The following SERGEF variants were observed in gnomAD, a reference collection of about 807,000 sequenced individuals.
SERGEF encodes the protein secretion regulating guanine nucleotide exchange factor, also known as secretion-regulating guanine nucleotide exchange factor.
Under a neutral mutation model 50.0 loss-of-function variants are expected in SERGEF, and 51 were observed. That is an observed-to-expected ratio of 1.02 (90% confidence interval 0.81 to 1.29). The LOEUF (loss-of-function observed/expected upper bound fraction) is 1.29. Among genes scored for constraint, SERGEF ranks in the 50% most tolerant of loss-of-function variants. SERGEF has a pLI of 0.00. For missense variants in SERGEF, 521 were observed against 557.0 expected, an observed-to-expected ratio of 0.94 and a Z score of 0.65; for synonymous variants, 205 against 212.4, an observed-to-expected ratio of 0.97 and a Z score of 0.30.
intron 10 of SERGEF, among the ~76,000 whole-genome samples, chr11:17,851,136 C>T (rs936878044): frequency 2.0e-5 from 3 of 152,140 alleles, no homozygotes; most frequent in African/African-American, 7.2e-5. Flanking sequence ...ATATCTGTAC[C>T]GTGTGCTGGC....
chr11:17,918,497 A>G (rs1462972551), intron 9 of SERGEF, among the ~76,000 whole-genome samples: 1 of 152,108 alleles, frequency 6.6e-6, no homozygotes, highest in African/African-American at 2.4e-5. Flanking sequence ...CCTGGGAAAC[A>G]TCCATTCATT....
intron 10 of SERGEF, among the ~76,000 whole-genome samples, chr11:17,861,836 G>A (rs116900295): frequency 0.014 from 2,093 of 152,318 alleles, 19 homozygotes; most frequent in Middle Eastern, 0.02. Flanking sequence ...CTATCCAATA[G>A]GTCGGTAGCA....
At chr11:17,951,408 C>A (rs1002907068) in intron 9 of SERGEF, among the ~76,000 whole-genome samples, 7 of 152,172 alleles carry the variant, frequency 4.6e-5, no homozygotes, top group African/African-American at 1.7e-4. Context: ...ACAGATTGTA[C>A]AAACAGAACA....
intron 10 of SERGEF, among the ~76,000 whole-genome samples, chr11:17,807,873 C>G (rs559462924): frequency 7.9e-5 from 12 of 152,216 alleles, no homozygotes; most frequent in Non-Finnish European, 1.2e-4. Context: ...TTGCCTCCCC[C>G]AGTCCTGCCC....
intron 10 of SERGEF, chr11:17,856,115 G>A (rs1268313357): frequency 6.6e-6 from 1 of 152,110 alleles, no homozygotes; most frequent in African/African-American, 2.4e-5. Flanking sequence ...TCCTCTCTAG[G>A]CCTCTTTTAT....
At chr11:17,934,297 C>T (rs1276518231) in intron 9 of SERGEF, among the ~76,000 whole-genome samples, 1 of 152,094 alleles carries the variant, frequency 6.6e-6, no homozygotes, top group Non-Finnish European at 1.5e-5. Flanking sequence ...CAATCGCTCT[C>T]AATTATTAAT....
intron 10 of SERGEF, among the ~76,000 whole-genome samples, chr11:17,805,835 C>G (rs919718752): frequency 2.0e-5 from 3 of 152,202 alleles, no homozygotes; most frequent in Non-Finnish European, 1.5e-5. Flanking sequence ...GGCTATTGTT[C>G]TGACAATTCC....
chr11:17,847,961 T>C (rs1850644016), intron 10 of SERGEF, among the ~76,000 whole-genome samples: 1 of 152,174 alleles, frequency 6.6e-6, no homozygotes, highest in East Asian at 1.9e-4. Flanking sequence ...AATGAGTAAA[T>C]GAATTACTAC....
chr11:18,012,403 G>A (rs1005405613), intron 1 of SERGEF: 5 of 788,648 alleles, frequency 6.3e-6, no homozygotes, highest in Non-Finnish European at 7.7e-6. Context: ...ACCAACAGCA[G>A]CCCAACTCCC....
intron 10 of SERGEF, among the ~76,000 whole-genome samples, chr11:17,871,487 AGCC>A (rs1196596374): frequency 2.0e-5 from 3 of 149,962 alleles, no homozygotes; most frequent in Admixed American, 1.3e-4. Flanking sequence ...AAAAAGAGTA[AGCC>A]ACTGGCTGGG....
At chr11:17,994,991 G>A (rs1423169046) in intron 6 of SERGEF, among the ~76,000 whole-genome samples, 2 of 152,106 alleles carry the variant, frequency 1.3e-5, no homozygotes, top group South Asian at 2.1e-4. Context: ...GGGTAAACTC[G>A]GTCACAAAGT....
At chr11:17,877,671 T>C (rs1433712125) in intron 10 of SERGEF, among the ~76,000 whole-genome samples, 2 of 152,212 alleles carry the variant, frequency 1.3e-5, no homozygotes, top group Non-Finnish European at 2.9e-5. Context: ...GAATTACTCA[T>C]AGATCTAATT....
chr11:17,980,515 C>A (rs1327551393), intron 8 of SERGEF, among the ~76,000 whole-genome samples: 1 of 152,180 alleles, frequency 6.6e-6, no homozygotes, highest in African/African-American at 2.4e-5. Context: ...ATTCAAAATT[C>A]ATCATAGAAA....
At chr11:17,859,048 A>T (rs1267446778) in intron 10 of SERGEF, among the ~76,000 whole-genome samples, 2 of 152,196 alleles carry the variant, frequency 1.3e-5, no homozygotes, top group Non-Finnish European at 2.9e-5. Context: ...TAGAGAGGCC[A>T]TCCTCCCTAG....
intron 9 of SERGEF, chr11:17,918,698 C>A: frequency 2.2e-6 from 1 of 454,562 alleles, no homozygotes; most frequent in South Asian, 1.6e-5. Context: ...CCCCTACCTA[C>A]TGGAAGTTCA....
At chr11:17,955,363 C>A (rs1380839373) in intron 9 of SERGEF, among the ~76,000 whole-genome samples, 3 of 152,162 alleles carry the variant, frequency 2.0e-5, no homozygotes, top group Admixed American at 2.0e-4. Context: ...TATCCACCTC[C>A]CCATCCACTT....
intron 8 of SERGEF, among the ~76,000 whole-genome samples, chr11:17,979,420 C>A (rs1853447057): frequency 1.3e-5 from 2 of 152,138 alleles, no homozygotes; most frequent in Admixed American, 6.5e-5. Context: ...ATAAACCAGG[C>A]TCCAAGCCAC....
chr11:17,974,664 G>A (rs1006572190), intron 8 of SERGEF, among the ~76,000 whole-genome samples: 9 of 152,182 alleles, frequency 5.9e-5, no homozygotes, highest in Admixed American at 6.5e-5. Context: ...GCTCTGCTAC[G>A]TGTTAGCTGT....
chr11:17,859,362 T>C (rs944624067), intron 10 of SERGEF, among the ~76,000 whole-genome samples: 5 of 151,646 alleles, frequency 3.3e-5, no homozygotes, highest in African/African-American at 9.7e-5. Flanking sequence ...ATTAGAAAAG[T>C]TGGAAGATCA....
Sources: gnomAD v4.1 joint callset for allele counts (sites outside exome capture counted in the v4.1 genomes callset) on GRCh38, gnomAD v4.1.1 for gene constraint, MANE v1.5 for transcripts, NCBI Gene and HGNC (gene_info 2026-07-23, HGNC 2026-07-21) for gene names.